TBC1D5: variants seen among roughly 807,000 people sequenced by gnomAD.
The protein encoded by TBC1D5 is TBC1 domain family member 5.
Under a neutral mutation model 100.3 loss-of-function variants are expected in TBC1D5, and 75 were observed. The ratio of observed to expected loss-of-function variants is 0.75; its 90% CI spans 0.62 to 0.91. TBC1D5 has a LOEUF of 0.91. Ranked by LOEUF, TBC1D5 falls within the 40% of genes least tolerant of loss-of-function variation. TBC1D5 has a pLI of 0.00. For missense variants in TBC1D5, 910 were observed against 942.4 expected (o/e 0.97, Z 0.45); for synonymous variants, 323 against 325.6 (o/e 0.99, Z 0.09).
chr3:17,609,338 A>G (rs1032669948), intron 2 of TBC1D5, among the ~76,000 whole-genome samples: 1 of 152,164 alleles, frequency 6.6e-6, no homozygotes, highest in Non-Finnish European at 1.5e-5. Context: ...CTGCCCTTTT[A>G]GAATTACAAA....
intron 2 of TBC1D5, among the ~76,000 whole-genome samples, chr3:17,547,530 T>C (rs537097240): frequency 6.6e-6 from 1 of 152,356 alleles, no homozygotes; most frequent in Admixed American, 6.5e-5. Flanking sequence ...AAATGTAATT[T>C]AGCAGAATGT....
chr3:17,447,627 A>C (rs2094831312), intron 3 of TBC1D5, among the ~76,000 whole-genome samples: 1 of 152,222 alleles, frequency 6.6e-6, no homozygotes, highest in Non-Finnish European at 1.5e-5. Flanking sequence ...AGTTTAAATT[A>C]CAAAGGTTTT....
intron 19 of TBC1D5, among the ~76,000 whole-genome samples, chr3:17,173,312 G>A (rs1343358958): frequency 6.6e-6 from 1 of 152,206 alleles, no homozygotes; most frequent in East Asian, 1.9e-4. Context: ...CAGAGGCACA[G>A]GATGGGATAT....
At chr3:17,514,028 AAAG>A (rs1353295804) in intron 2 of TBC1D5, among the ~76,000 whole-genome samples, 1 of 152,182 alleles carries the variant, frequency 6.6e-6, no homozygotes, top group African/African-American at 2.4e-5. Flanking sequence ...AGAAAGGAGG[AAAG>A]AAGAAAGGAA....
chr3:17,296,614 C>T (rs565835234), intron 14 of TBC1D5, among the ~76,000 whole-genome samples: 1 of 152,184 alleles, frequency 6.6e-6, no homozygotes. Context: ...AAATAAAACA[C>T]AGTCATATCC....
At chr3:17,420,198 T>A (rs1049324487) in intron 4 of TBC1D5, among the ~76,000 whole-genome samples, 7 of 149,048 alleles carry the variant, frequency 4.7e-5, no homozygotes, top group Non-Finnish European at 8.9e-5. Flanking sequence ...ATAAGTTAGC[T>A]CCCTTGAACA....
At chr3:17,564,434 C>G (rs190043829) in intron 2 of TBC1D5, among the ~76,000 whole-genome samples, 144 of 152,108 alleles carry the variant, frequency 9.5e-4, no homozygotes, top group Non-Finnish European at 1.7e-3. Context: ...AATTACTACC[C>G]CCCTTAAGCT....
intron 1 of TBC1D5, among the ~76,000 whole-genome samples, chr3:17,717,745 T>C (rs1052142465): frequency 6.6e-6 from 1 of 152,148 alleles, no homozygotes; most frequent in African/African-American, 2.4e-5. Context: ...TCCATACTAC[T>C]CCTTTACTCC....
At chr3:17,654,860 G>A (rs2153727155) in intron 1 of TBC1D5, among the ~76,000 whole-genome samples, 1 of 152,258 alleles carries the variant, frequency 6.6e-6, no homozygotes, top group African/African-American at 2.4e-5. Flanking sequence ...TCTATTCAGA[G>A]AGTCAACTTC....
At chr3:17,704,326 TAC>T (rs1479832781) in intron 1 of TBC1D5, among the ~76,000 whole-genome samples, 17 of 151,508 alleles carry the variant, frequency 1.1e-4, no homozygotes, top group African/African-American at 4.1e-4. Context: ...TACTTCTTTC[TAC>T]ACAGACACGG....
At chr3:17,174,822 G>C (rs1369856237) in intron 19 of TBC1D5, among the ~76,000 whole-genome samples, 1 of 152,132 alleles carries the variant, frequency 6.6e-6, no homozygotes, top group Non-Finnish European at 1.5e-5. Flanking sequence ...TCGAACTCCT[G>C]ACCTTGTGAT....
At chr3:17,597,649 T>G (rs1249303652) in intron 2 of TBC1D5, among the ~76,000 whole-genome samples, 1 of 152,236 alleles carries the variant, frequency 6.6e-6, no homozygotes, top group Non-Finnish European at 1.5e-5. Context: ...TTATGTTAAA[T>G]GAAATGCTTC....
chr3:17,400,242 G>T (rs2093612271), intron 8 of TBC1D5, among the ~76,000 whole-genome samples: 1 of 152,022 alleles, frequency 6.6e-6, no homozygotes, highest in South Asian at 2.1e-4. Flanking sequence ...TTATCACAAA[G>T]CTAGAAAACA....
At chr3:17,481,339 C>T (rs570579494) in intron 3 of TBC1D5, among the ~76,000 whole-genome samples, 28 of 152,290 alleles carry the variant, frequency 1.8e-4, no homozygotes, top group Admixed American at 2.6e-4. Flanking sequence ...GTGAGTAGCA[C>T]GAGCCAAGCA....
chr3:17,202,210 T>G (rs954671583), intron 18 of TBC1D5, among the ~76,000 whole-genome samples: 7 of 152,228 alleles, frequency 4.6e-5, no homozygotes, highest in African/African-American at 1.7e-4. Flanking sequence ...CTGGTGGCAT[T>G]GTGCCCCTGC....
intron 3 of TBC1D5, among the ~76,000 whole-genome samples, chr3:17,506,396 ATG>A (rs936376995): frequency 1.6e-4 from 24 of 152,156 alleles, no homozygotes; most frequent in African/African-American, 5.3e-4. Context: ...GCATGTGCGT[ATG>A]TGTGTTTTGT....
At chr3:17,546,179 C>T (rs1053903764) in intron 2 of TBC1D5, among the ~76,000 whole-genome samples, 6 of 152,044 alleles carry the variant, frequency 3.9e-5, no homozygotes, top group African/African-American at 1.2e-4. Context: ...AGTGAGGGTA[C>T]AAATTGATAG....
chr3:17,716,081 A>C, intron 1 of TBC1D5, among the ~76,000 whole-genome samples: 1 of 152,170 alleles, frequency 6.6e-6, no homozygotes, highest in East Asian at 1.9e-4. Context: ...AAATGAAAAA[A>C]GTTGGGCATG....
At chr3:17,681,145 A>C (rs2069406370) in intron 1 of TBC1D5, among the ~76,000 whole-genome samples, 1 of 151,660 alleles carries the variant, frequency 6.6e-6, no homozygotes, top group Admixed American at 6.6e-5. Context: ...AACTATAGTA[A>C]AGTATTTCAG....
Sources: allele counts gnomAD v4.1 joint callset (sites outside exome capture counted in the v4.1 genomes callset), GRCh38; gene constraint gnomAD v4.1.1; transcripts MANE v1.5; gene names NCBI Gene and HGNC (gene_info 2026-07-23, HGNC 2026-07-21).